Variants in TENM4 observed in about 807,000 individuals in gnomAD.
TENM4 encodes teneurin transmembrane protein 4.
Under a neutral mutation model 243.3 loss-of-function variants are expected in TENM4, and 82 were observed. The observed-to-expected ratio is 0.34, with a 90% CI of 0.28 to 0.40. The LOEUF (loss-of-function observed/expected upper bound fraction) is 0.40. Ranked by LOEUF, TENM4 falls within the 10% of genes least tolerant of loss-of-function variation. The pLI, the probability that TENM4 is intolerant of heterozygous loss-of-function variation, is 1.00. For synonymous variants in TENM4, 1,412 were observed against 1,456.3 expected (o/e 0.97, Z 0.69); for missense variants, 3,138 against 3,673.3 (o/e 0.85, Z 3.77).
At chr11:79,197,808 C>G (rs564152906) in intron 3 of TENM4, among the ~76,000 whole-genome samples, 51 of 152,282 alleles carry the variant, frequency 3.3e-4, no homozygotes, top group Non-Finnish European at 5.1e-4. Context: ...CAGAATGTAG[C>G]AGGCTTCCAA....
intron 6 of TENM4, among the ~76,000 whole-genome samples, chr11:78,974,843 C>T (rs1222351799): frequency 1.3e-5 from 2 of 151,660 alleles, no homozygotes; most frequent in African/African-American, 4.8e-5. Flanking sequence ...TGCCACCATG[C>T]CTGGCTAATT....
intron 17 of TENM4, among the ~76,000 whole-genome samples, chr11:78,772,658 GAATCTAA>G (rs1565372637): frequency 1.3e-5 from 2 of 148,568 alleles, no homozygotes; most frequent in African/African-American, 2.6e-5. Context: ...TGATCAATCA[GAATCTAA>G]AACTTGAGTG....
At chr11:78,810,981 G>A (rs1857487340) in intron 14 of TENM4, among the ~76,000 whole-genome samples, 1 of 152,124 alleles carries the variant, frequency 6.6e-6, no homozygotes, top group Admixed American at 6.5e-5. Flanking sequence ...GAAGTGAGTG[G>A]GGCGAAACAG....
At chr11:78,855,877 A>C in intron 11 of TENM4, 87 bp downstream of exon 11, 3 of 1,296,586 alleles carry the variant, frequency 2.3e-6, no homozygotes, top group Non-Finnish European at 3.2e-6. Flanking sequence ...TTCAGGCTTA[A>C]GGCTCTGGAT....
At chr11:78,732,806 A>G (rs2135882446) in intron 20 of TENM4, among the ~76,000 whole-genome samples, 1 of 152,332 alleles carries the variant, frequency 6.6e-6, no homozygotes, top group South Asian at 2.1e-4. Flanking sequence ...AATTTGCTGA[A>G]ATGAACCACT....
At chr11:78,908,291 A>C (rs1039010383) in intron 6 of TENM4, among the ~76,000 whole-genome samples, 6 of 152,264 alleles carry the variant, frequency 3.9e-5, no homozygotes, top group Non-Finnish European at 8.8e-5. Flanking sequence ...CTTATCACTA[A>C]ATGGAAATAA....
chr11:79,021,574 C>G (rs1013281876), intron 6 of TENM4: 2 of 152,164 alleles, frequency 1.3e-5, no homozygotes, highest in African/African-American at 4.8e-5. Context: ...GGTGTTCATA[C>G]CTTTTCACTT....
rs1863828257 is a variant in TENM4 at position 79,205,323 on chromosome 11, G to A, written c.-163+10485C>T. On this transcript the variant is annotated intron_variant, in intron 3 of 33. Coordinates refer to ENST00000278550, the MANE Select transcript of TENM4 (RefSeq NM_001098816.3). ...TACAGTCTACCAATCATATTCAAAT[G>A]TCCCATTTTACTGGTACTCATGTGT... Among the ~76,000 whole-genome samples the A allele has an allele frequency of 2.6e-5, 4 of 152,094 alleles. No homozygotes were observed. In the South Asian group the frequency reaches 6.2e-4, roughly 24 times the overall value.
chr11:79,148,781 T>A lies in TENM4; in HGVS notation c.-137A>T. 1 of 982,536 alleles carries A rather than the reference T, an allele frequency of 1.0e-6. No homozygotes were observed. The highest frequency in any genetic ancestry group is 1.8e-5 in the African/African-American group (1 of 57,134). 60.9% of individuals were successfully genotyped at this position (982,536 alleles called of 1,614,324 possible). A position where few individuals can be genotyped will look rare whatever the true frequency, so the allele number is the denominator to read the frequency against. On this transcript the variant is annotated 5_prime_UTR_variant, in exon 4 of 34. Coordinates refer to ENST00000278550, the MANE Select transcript of TENM4 (RefSeq NM_001098816.3). Reference sequence around the variant, plus strand: ...AATCCTTGAAGTATGCAATTTTAATTTGGACACATGGTAATTTCAGTCTAC... The same window carrying A: ...AATCCTTGAAGTATGCAATTTTAATATGGACACATGGTAATTTCAGTCTAC...
rs558183866 is a variant in TENM4 at position 79,014,218 on chromosome 11, T to G, written c.493+50520A>C. On this transcript the variant is annotated intron_variant, in intron 6 of 33. Coordinates refer to ENST00000278550, the MANE Select transcript of TENM4 (RefSeq NM_001098816.3). ...AAAAGCTGCCCTTTTCCTCAGCATC[T>G]AACTTAGATGTTGTCATCATGATGC... Among the ~76,000 whole-genome samples the G allele has an allele frequency of 3.2e-4, 49 of 152,302 alleles. 1 individual carries two copies. In the South Asian group the frequency reaches 9.7e-3, roughly 30 times the overall value.
At chr11:79,164,564 A>G (rs1405643066) in intron 3 of TENM4, among the ~76,000 whole-genome samples, 1 of 139,884 alleles carries the variant, frequency 7.1e-6, no homozygotes, top group Non-Finnish European at 1.5e-5. Context: ...TACTATATAT[A>G]CTATATACTA....
At chr11:79,425,894 A>T (rs1859038144) in intron 1 of TENM4, among the ~76,000 whole-genome samples, 1 of 152,226 alleles carries the variant, frequency 6.6e-6, no homozygotes, top group Non-Finnish European at 1.5e-5. Context: ...ATAAGAGTGA[A>T]CAAGGCAACA....
At chr11:78,914,403 C>A (rs1856267580) in intron 6 of TENM4, among the ~76,000 whole-genome samples, 1 of 152,148 alleles carries the variant, frequency 6.6e-6, no homozygotes. Flanking sequence ...GAATGACAAC[C>A]AAGACCAGGA....
intron 1 of TENM4, among the ~76,000 whole-genome samples, chr11:79,349,796 T>C (rs900067978): frequency 2.0e-5 from 3 of 152,190 alleles, no homozygotes; most frequent in African/African-American, 7.2e-5. Context: ...TATTGCTGAA[T>C]AAATATCTGA....
intron 6 of TENM4, among the ~76,000 whole-genome samples, chr11:79,049,429 G>A (rs1859742572): frequency 6.6e-6 from 1 of 152,216 alleles, no homozygotes; most frequent in Admixed American, 6.5e-5. Context: ...AGGCCGTCCT[G>A]AGAAGTATAC....
At chr11:79,321,711 G>A (rs542123857) in intron 1 of TENM4, among the ~76,000 whole-genome samples, 1 of 151,136 alleles carries the variant, frequency 6.6e-6, no homozygotes, top group East Asian at 1.9e-4. Context: ...AGAATTTCAC[G>A]GAGCTTGTTG....
chr11:79,138,410 AAT>A (rs1862161327), intron 4 of TENM4, among the ~76,000 whole-genome samples: 2 of 117,010 alleles, frequency 1.7e-5, no homozygotes, highest in African/African-American at 7.0e-5. Context: ...ATATAAATAA[AAT>A]ATATATTATA....
intron 1 of TENM4, among the ~76,000 whole-genome samples, chr11:79,400,765 A>G (rs1169234959): frequency 6.6e-6 from 1 of 152,206 alleles, no homozygotes; most frequent in Non-Finnish European, 1.5e-5. Context: ...TGAAGTTTGC[A>G]ATTGTCACTT....
intron 1 of TENM4, among the ~76,000 whole-genome samples, chr11:79,330,180 G>A (rs563405924): frequency 6.6e-6 from 1 of 152,182 alleles, no homozygotes; most frequent in South Asian, 2.1e-4. Context: ...GGGAAGAATG[G>A]TATACAAGCA....
Sources: allele counts gnomAD v4.1 joint callset (sites outside exome capture counted in the v4.1 genomes callset), GRCh38; gene constraint gnomAD v4.1.1; transcripts MANE v1.5; gene names NCBI Gene and HGNC (gene_info 2026-07-23, HGNC 2026-07-21).